The following TAFA5 variants were observed in gnomAD, a reference collection of about 807,000 sequenced individuals.
TAFA5 encodes the protein chemokine-like protein TAFA-5.
TAFA5 carries 6 observed loss-of-function variants against 15.3 expected under a neutral mutation model. The ratio of observed to expected loss-of-function variants is 0.39; its 90% CI spans 0.21 to 0.77. The LOEUF (loss-of-function observed/expected upper bound fraction) is 0.77. TAFA5 is among the 30% of genes least tolerant of loss of function. The probability of loss-of-function intolerance (pLI) is 0.41; values close to 1 mark genes in which losing one functional copy is unlikely to be tolerated. For missense variants in TAFA5, 161 were observed against 193.1 expected (o/e 0.83, Z 0.98); for synonymous variants, 103 against 80.7 (o/e 1.28, Z -1.48).
intron 1 of TAFA5, among the ~76,000 whole-genome samples, chr22:48,501,525 C>T (rs1164036690): frequency 1.3e-5 from 2 of 151,980 alleles, no homozygotes; most frequent in African/African-American, 4.8e-5. Context: ...AAGGGGCAGT[C>T]GGGGGTGCCT....
At chr22:48,545,958 T>C (rs1471646257) in intron 1 of TAFA5, among the ~76,000 whole-genome samples, 1 of 152,002 alleles carries the variant, frequency 6.6e-6, no homozygotes, top group African/African-American at 2.4e-5. Context: ...TGCCAGGATC[T>C]GTGAGCCTCA....
At chr22:48,741,950 G>C (rs1930191463) in intron 3 of TAFA5, among the ~76,000 whole-genome samples, 1 of 152,238 alleles carries the variant, frequency 6.6e-6, no homozygotes, top group Non-Finnish European at 1.5e-5. Flanking sequence ...AAAGTGCCCT[G>C]CATTCTCTCT....
chr22:48,695,312 C>G (rs1357890523), intron 2 of TAFA5, among the ~76,000 whole-genome samples: 1 of 152,190 alleles, frequency 6.6e-6, no homozygotes, highest in Non-Finnish European at 1.5e-5. Flanking sequence ...CCAGGGAGAG[C>G]AGCCTCCCCA....
chr22:48,728,908 G>C (rs1783023370), intron 3 of TAFA5, among the ~76,000 whole-genome samples: 2 of 152,206 alleles, frequency 1.3e-5, no homozygotes, highest in African/African-American at 2.4e-5. Context: ...GGAGGAAGCA[G>C]ATTACTAGGC....
chr22:48,638,476 CAG>C (rs1376816509), intron 1 of TAFA5, among the ~76,000 whole-genome samples: 11 of 121,814 alleles, frequency 9.0e-5, no homozygotes, highest in South Asian at 3.3e-4. Flanking sequence ...TCACCGCACA[CAG>C]GGGGGACCCC....
At chr22:48,722,717 A>C (rs1929605818) in intron 3 of TAFA5, among the ~76,000 whole-genome samples, 1 of 152,234 alleles carries the variant, frequency 6.6e-6, no homozygotes, top group Non-Finnish European at 1.5e-5. Flanking sequence ...ACAAAAATTG[A>C]AAAAGAAAGT....
rs925869234 is a variant in TAFA5, at chr22:48,566,959, C to A, written c.112+77255C>A. ...CTTTGCTCCGCAGCACTGCTGCCTG[C>A]GGACTGGCCGCACTGGATTCCCCTT... On this transcript the variant is annotated intron_variant, in intron 1 of 3. Transcript: ENST00000402357. The surrounding 1 kb of genome is among the most constrained non-coding windows in gnomAD (Gnocchi z 4.5). 6.6e-6 allele frequency among the ~76,000 whole-genome samples: 1 copy of A among 152,216 alleles called. No homozygotes were observed. Among genetic ancestry groups the A allele is most frequent in the African/African-American group, 2.4e-5 (1 of 41,460 alleles).
At chr22:48,674,164 G>C (rs536996966) in intron 2 of TAFA5, among the ~76,000 whole-genome samples, 77 of 152,316 alleles carry the variant, frequency 5.1e-4, no homozygotes, top group African/African-American at 1.9e-3. Flanking sequence ...GGGCGGTGCA[G>C]ATGTAGGTCC....
intron 2 of TAFA5, among the ~76,000 whole-genome samples, chr22:48,665,180 T>G (rs1927569465): frequency 6.6e-6 from 1 of 152,200 alleles, no homozygotes; most frequent in South Asian, 2.1e-4. Context: ...TGGGCATGAC[T>G]CTACAGCCGT....
chr22:48,686,991 TGATG>T (rs1381884588), intron 2 of TAFA5, among the ~76,000 whole-genome samples: 4 of 143,258 alleles, frequency 2.8e-5, no homozygotes, highest in Non-Finnish European at 6.1e-5. Flanking sequence ...GGAGGATAGA[TGATG>T]GATGGTTGGA....
chr22:48,684,103 G>A (rs942282924), intron 2 of TAFA5, among the ~76,000 whole-genome samples: 1 of 151,838 alleles, frequency 6.6e-6, no homozygotes, highest in Admixed American at 6.6e-5. Flanking sequence ...CCAAGGCCCC[G>A]AGTCTCCTTA....
Position 48,566,170 on chromosome 22 carries a change from GGGTGGATGGAT to G in TAFA5, c.112+76480_112+76490del, listed in dbSNP as rs1923401743. 6.6e-6 allele frequency among the ~76,000 whole-genome samples: 1 copy of G among 151,794 alleles called. No homozygotes were observed. Among genetic ancestry groups the G allele is most frequent in the African/African-American group, 2.4e-5 (1 of 41,392 alleles). On this transcript the variant is annotated intron_variant, in intron 1 of 3. Transcript: ENST00000402357. This position sits in a 1 kb window ranked among gnomAD's most constrained non-coding sequence, Gnocchi z 4.5. ...GGGTGGACAATGAATGGATGGTGATGGGTGGATGGATGGTGGATGGATGGGTGGATGGTGGA... is the reference window on the plus strand; with the variant it reads ...GGGTGGACAATGAATGGATGGTGATGGGTGGATGGATGGGTGGATGGTGGA...
At chr22:48,604,594 C>T (rs1052572478) in intron 1 of TAFA5, among the ~76,000 whole-genome samples, 1 of 152,226 alleles carries the variant, frequency 6.6e-6, no homozygotes, top group Non-Finnish European at 1.5e-5. Context: ...TGGCCTTGGG[C>T]CAGGTCCTCT....
At chr22:48,647,212 C>T (rs1331771098) in intron 2 of TAFA5, among the ~76,000 whole-genome samples, 1 of 152,188 alleles carries the variant, frequency 6.6e-6, no homozygotes, top group Non-Finnish European at 1.5e-5. Flanking sequence ...CGGGAGGCCG[C>T]AGCTCCGGCC....
intron 1 of TAFA5, among the ~76,000 whole-genome samples, chr22:48,593,184 A>T (rs956112939): frequency 6.6e-6 from 1 of 152,202 alleles, no homozygotes; most frequent in Non-Finnish European, 1.5e-5. Flanking sequence ...TGACGTCCTG[A>T]GGCCGAGGCC....
intron 3 of TAFA5, among the ~76,000 whole-genome samples, chr22:48,744,465 C>G (rs1308160405): frequency 6.6e-6 from 1 of 152,172 alleles, no homozygotes; most frequent in Admixed American, 6.5e-5. Flanking sequence ...GTGGCCCTCC[C>G]CAGGCCATGA....
chr22:48,695,546 G>A lies in TAFA5; in HGVS notation c.263-12171G>A, dbSNP rs554841993. On this transcript the variant is annotated intron_variant, in intron 2 of 3. Transcript: ENST00000402357. Reference sequence around the variant, plus strand: ...TTGAGCTGAGTAATGTTATGGCCACGGTCTCAGGCAAAGGAGCACCACTTG... The same window carrying A: ...TTGAGCTGAGTAATGTTATGGCCACAGTCTCAGGCAAAGGAGCACCACTTG... 9.2e-5 allele frequency among the ~76,000 whole-genome samples: 14 copies of A among 152,298 alleles called. No individual in the cohort carries two copies. The East Asian group carries it at 2.1e-3, about 23-fold the overall frequency.
At chr22:48,563,954 G>T (rs1402554084) in intron 1 of TAFA5, among the ~76,000 whole-genome samples, 1 of 152,182 alleles carries the variant, frequency 6.6e-6, no homozygotes, top group African/African-American at 2.4e-5. Flanking sequence ...CGACGATGCT[G>T]TAGAAGGAGC....
chr22:48,550,035 A>G lies in TAFA5; in HGVS notation c.112+60331A>G, dbSNP rs1253563280. ...CCCTCTCCTTCTCAAAGAGAAACCG[A>G]GTCACAGAGTGTTTCAGTAACTGAG... On this transcript the variant is annotated intron_variant, in intron 1 of 3. Transcript: ENST00000402357. The surrounding 1 kb of genome is among the most constrained non-coding windows in gnomAD (Gnocchi z 4.1). 6.6e-6 allele frequency among the ~76,000 whole-genome samples: 1 copy of G among 152,214 alleles called. No homozygotes were observed. The highest frequency in any genetic ancestry group is 1.5e-5 in the Non-Finnish European group (1 of 68,024).
Sources: allele counts gnomAD v4.1 joint callset (sites outside exome capture counted in the v4.1 genomes callset), GRCh38; gene constraint gnomAD v4.1.1; non-coding constraint Gnocchi (gnomAD v3.1); transcripts MANE v1.5; gene names NCBI Gene and HGNC (gene_info 2026-07-23, HGNC 2026-07-21).